Variants in ARMC7 observed in about 807,000 individuals in gnomAD.
The protein encoded by ARMC7 is armadillo repeat-containing protein 7.
In ARMC7, 9 loss-of-function variants were observed where a neutral mutation model predicts 14.8. The observed-to-expected ratio is 0.61, with a 90% CI of 0.37 to 1.06. The LOEUF (loss-of-function observed/expected upper bound fraction) is 1.06. Among genes scored for constraint, ARMC7 ranks in the 50% least tolerant of loss-of-function variants. The pLI is 0.01. For missense variants in ARMC7, 262 were observed against 267.1 expected (o/e 0.98, Z 0.13); for synonymous variants, 125 against 123.4 (o/e 1.01, Z -0.09).
At chr17:75,118,287 G>A (rs1475555049) in intron 2 of ARMC7, among the ~76,000 whole-genome samples, 1 of 152,148 alleles carries the variant, frequency 6.6e-6, no homozygotes. Flanking sequence ...TTTCATGAAG[G>A]GACTCAAGAT....
intron 2 of ARMC7, among the ~76,000 whole-genome samples, chr17:75,127,084 C>T (rs1293091140): frequency 2.1e-5 from 3 of 145,594 alleles, no homozygotes; most frequent in African/African-American, 5.0e-5. Flanking sequence ...AAAAAGCTGG[C>T]GTAAGCCATG....
At chr17:75,116,560 G>C (rs151175572) in intron 2 of ARMC7, among the ~76,000 whole-genome samples, 2,576 of 152,324 alleles carry the variant, frequency 0.017, 33 homozygotes, top group Non-Finnish European at 0.029. Flanking sequence ...AGGAGGTGGA[G>C]GTTGAGGTGA....
At chr17:75,124,807 T>C (rs1372496096) in intron 2 of ARMC7, among the ~76,000 whole-genome samples, 2 of 152,196 alleles carry the variant, frequency 1.3e-5, no homozygotes, top group South Asian at 2.1e-4. Flanking sequence ...ACTTCTCCCA[T>C]GGAAATGGGG....
At chr17:75,111,368 C>T (rs1273239514) in intron 2 of ARMC7, among the ~76,000 whole-genome samples, 4 of 151,448 alleles carry the variant, frequency 2.6e-5, no homozygotes, top group South Asian at 2.1e-4. Flanking sequence ...ATCGCTTGAA[C>T]CCGGTAGGCA....
intron 2 of ARMC7, among the ~76,000 whole-genome samples, chr17:75,122,430 C>T (rs537288938): frequency 2.6e-5 from 4 of 151,976 alleles, no homozygotes; most frequent in Admixed American, 1.3e-4. Context: ...GGAGTGATCT[C>T]GGCTCACCGC....
chr17:75,126,881 T>C (rs572264649), intron 2 of ARMC7, among the ~76,000 whole-genome samples: 5 of 151,482 alleles, frequency 3.3e-5, no homozygotes, highest in African/African-American at 1.2e-4. Flanking sequence ...GCCAACATGG[T>C]GAAACCCCGT....
intron 2 of ARMC7, among the ~76,000 whole-genome samples, chr17:75,112,589 TTTTTG>T (rs77333793): frequency 6.8e-6 from 1 of 148,114 alleles, no homozygotes; most frequent in African/African-American, 2.5e-5. Flanking sequence ...TTTTTTTTTT[TTTTTG>T]AGATAGGGTC....
chr17:75,112,688 G>A (rs1166648643), intron 2 of ARMC7, among the ~76,000 whole-genome samples: 1 of 146,564 alleles, frequency 6.8e-6, no homozygotes, highest in African/African-American at 2.5e-5. Flanking sequence ...CAGTCTTCCT[G>A]CCTTAGCCTC....
rs752190084 is a variant in ARMC7 at position 75,128,824 on chromosome 17, C to A, written c.383C>A (p.Pro128Gln). ...AITTLMHLSPPGRSFLPELTA... is the reference protein window; with the variant it reads ...AITTLMHLSPQGRSFLPELTA... ...ACCACGCTCATGCACCTGAGCCCGC[C>A]GGGCCGCAGCTTTCTCCCAGAGCTG... Residue 128 changes from proline (P) to glutamine (Q), a missense_variant, in exon 3 of 3, where the codon CCG (proline) becomes CAG (glutamine). Transcript: ENST00000245543. The A allele has an allele frequency of 6.2e-7, 1 of 1,613,060 alleles. No homozygotes were observed. Among genetic ancestry groups the A allele is most frequent in the Non-Finnish European group, 8.5e-7 (1 of 1,180,012 alleles).
At chr17:75,110,801 A>C (rs2073914311) in intron 2 of ARMC7, among the ~76,000 whole-genome samples, 195 bp downstream of exon 2, 1 of 151,424 alleles carries the variant, frequency 6.6e-6, no homozygotes, top group South Asian at 2.1e-4. Flanking sequence ...CGTCTCGTAC[A>C]AAAATTAGCT....
intron 2 of ARMC7, 76 bp downstream of exon 2, chr17:75,110,682 G>C: frequency 6.4e-7 from 1 of 1,568,222 alleles, no homozygotes; most frequent in Non-Finnish European, 8.7e-7. Flanking sequence ...AGTCCTTGGG[G>C]CCGGGCGTGG....
intron 2 of ARMC7, among the ~76,000 whole-genome samples, chr17:75,123,466 GC>G (rs2074028724): frequency 6.6e-6 from 1 of 151,018 alleles, no homozygotes; most frequent in Non-Finnish European, 1.5e-5. Flanking sequence ...CCATTCTCCT[GC>G]CTCAGCCTCC....
At chr17:75,121,198 G>C (rs1031227725) in intron 2 of ARMC7, among the ~76,000 whole-genome samples, 1 of 152,210 alleles carries the variant, frequency 6.6e-6, no homozygotes, top group Non-Finnish European at 1.5e-5. Context: ...TGTAGACGGA[G>C]ATTTGAATTG....
intron 2 of ARMC7, among the ~76,000 whole-genome samples, chr17:75,125,823 G>T (rs983052479): frequency 3.9e-5 from 6 of 152,132 alleles, no homozygotes; most frequent in African/African-American, 1.4e-4. Context: ...CAGCCTGGGT[G>T]AAAGAGTGAA....
chr17:75,113,353 A>T lies in ARMC7; in HGVS notation c.235+2747A>T, dbSNP rs186871817. Among the ~76,000 whole-genome samples the T allele has an allele frequency of 2.4e-3, 296 of 124,492 alleles. 1 individual carries two copies. Among genetic ancestry groups the T allele is most frequent in the East Asian group, 0.017 (67 of 4,046 alleles). The allele number at this position is 124,492 out of a possible 152,430, so 81.7% of individuals were successfully genotyped here. ...TAACACATTTTTAAAAATACTTTTT[A>T]TTTATTTATTTTTTTTTTTGAGATG... On this transcript the variant is annotated intron_variant, in intron 2 of 2. Transcript: ENST00000245543.
chr17:75,119,050 G>A (rs778312143), intron 2 of ARMC7, among the ~76,000 whole-genome samples: 3 of 152,112 alleles, frequency 2.0e-5, no homozygotes, highest in East Asian at 1.9e-4. Context: ...GTGATCCTCC[G>A]ACCCCAGCCT....
intron 2 of ARMC7, among the ~76,000 whole-genome samples, chr17:75,118,136 A>C (rs947416790): frequency 2.0e-5 from 3 of 152,054 alleles, no homozygotes; most frequent in African/African-American, 4.8e-5. Context: ...AAAAAAAAAA[A>C]AACAAAGTTA....
chr17:75,122,664 G>A (rs2074021748), intron 2 of ARMC7, among the ~76,000 whole-genome samples: 1 of 151,962 alleles, frequency 6.6e-6, no homozygotes, highest in Admixed American at 6.6e-5. Context: ...GCCTGGCCCT[G>A]GCTTTTTTAA....
intron 2 of ARMC7, among the ~76,000 whole-genome samples, chr17:75,122,357 A>T (rs1322588654): frequency 6.6e-6 from 1 of 151,662 alleles, no homozygotes; most frequent in East Asian, 1.9e-4. Flanking sequence ...AATATCTTTT[A>T]AAATTATTAT....
Sources: gnomAD v4.1 joint callset for allele counts (sites outside exome capture counted in the v4.1 genomes callset) on GRCh38, gnomAD v4.1.1 for gene constraint, MANE v1.5 for transcripts, NCBI Gene and HGNC (gene_info 2026-07-23, HGNC 2026-07-21) for gene names.